FSTL4: variants seen among roughly 807,000 people sequenced by gnomAD.
The protein encoded by FSTL4 is follistatin-related protein 4.
Under a neutral mutation model 78.2 loss-of-function variants are expected in FSTL4, and 28 were observed. The observed-to-expected ratio is 0.36, with a 90% CI of 0.27 to 0.49. FSTL4 has a LOEUF of 0.49. Among genes scored for constraint, FSTL4 ranks in the 20% least tolerant of loss-of-function variants. FSTL4 has a pLI of 0.98. For missense variants in FSTL4, 922 were observed against 1,084.9 expected, an observed-to-expected ratio of 0.85 and a Z score of 2.11; for synonymous variants, 422 against 440.5, an observed-to-expected ratio of 0.96 and a Z score of 0.53.
At chr5:133,618,670 C>T in the FSTL4 span, among the ~76,000 whole-genome samples, 2 of 152,284 alleles carry the variant, frequency 1.3e-5, no homozygotes, top group East Asian at 1.9e-4. Flanking sequence ...CTGTAAGATC[C>T]TTATTGCATA....
chr5:133,219,964 A>G (rs1398507908), intron 12 of FSTL4, among the ~76,000 whole-genome samples: 1 of 152,270 alleles, frequency 6.6e-6, no homozygotes, highest in African/African-American at 2.4e-5. Flanking sequence ...CAGCCTGGAA[A>G]ACAGCTTTTC....
intron 7 of FSTL4, chr5:133,248,600 C>T (rs1055566333): frequency 8.5e-5 from 13 of 152,134 alleles, no homozygotes; most frequent in African/African-American, 2.9e-4. Flanking sequence ...GTATTGCTAA[C>T]GTTTTTCTTA....
chr5:133,430,750 C>T (rs932604005), intron 3 of FSTL4, among the ~76,000 whole-genome samples: 2 of 152,196 alleles, frequency 1.3e-5, no homozygotes, highest in Non-Finnish European at 2.9e-5. Context: ...TATTCACTGA[C>T]TGTTTTTTGA....
intron 3 of FSTL4, among the ~76,000 whole-genome samples, chr5:133,402,688 G>A (rs532608172): frequency 4.1e-4 from 62 of 152,310 alleles, no homozygotes; most frequent in African/African-American, 1.5e-3. Context: ...GTTATCGGCA[G>A]ATTAACTGCT....
the FSTL4 span, among the ~76,000 whole-genome samples, chr5:133,665,119 G>A: frequency 6.6e-6 from 1 of 152,080 alleles, no homozygotes; most frequent in Admixed American, 6.5e-5. Context: ...ATGCCTTCTT[G>A]GGCCCAAACC....
intron 3 of FSTL4, among the ~76,000 whole-genome samples, chr5:133,457,037 T>A (rs909300619): frequency 6.6e-6 from 1 of 151,724 alleles, no homozygotes; most frequent in African/African-American, 2.4e-5. Context: ...TCAGCAAGGA[T>A]GGAGCTAAAT....
chr5:133,288,189 C>T (rs556150715), intron 6 of FSTL4, among the ~76,000 whole-genome samples: 2 of 152,256 alleles, frequency 1.3e-5, no homozygotes, highest in East Asian at 3.8e-4. Context: ...TCCAGCCCCA[C>T]CTCTTACTAA....
the FSTL4 span, among the ~76,000 whole-genome samples, chr5:133,699,355 A>C: frequency 2.0e-5 from 3 of 152,130 alleles, no homozygotes; most frequent in Non-Finnish European, 4.4e-5. Context: ...CCCCTCTGCT[A>C]TAAGGACCAT....
chr5:133,342,778 C>T (rs534213330), intron 4 of FSTL4, among the ~76,000 whole-genome samples: 11 of 152,346 alleles, frequency 7.2e-5, no homozygotes, highest in Non-Finnish European at 8.8e-5. Flanking sequence ...CAGTGATTCT[C>T]AGACCCCTAA....
intron 2 of FSTL4, among the ~76,000 whole-genome samples, chr5:133,582,555 G>A (rs192345739): frequency 3.9e-5 from 6 of 152,254 alleles, no homozygotes. Flanking sequence ...GTGGGGAGGG[G>A]TCCACTAGTT....
At chr5:133,498,718 C>CA (rs112128780) in intron 3 of FSTL4, among the ~76,000 whole-genome samples, 4,308 of 126,818 alleles carry the variant, frequency 0.034, 155 homozygotes, top group African/African-American at 0.097. Context: ...ACTCAGTCTC[C>CA]AAAAAAAAAA....
the FSTL4 span, among the ~76,000 whole-genome samples, chr5:133,709,177 G>T: frequency 6.6e-6 from 1 of 152,134 alleles, no homozygotes; most frequent in Non-Finnish European, 1.5e-5. Flanking sequence ...ACCACCCCCG[G>T]GTCATATCCA....
At chr5:133,599,223 C>T (rs1015825558) in intron 2 of FSTL4, among the ~76,000 whole-genome samples, 2 of 152,192 alleles carry the variant, frequency 1.3e-5, no homozygotes, top group South Asian at 4.1e-4. Flanking sequence ...CCAGCCAAGG[C>T]GGAACGAAGC....
At chr5:133,525,290 C>T (rs1437016824) in intron 3 of FSTL4, among the ~76,000 whole-genome samples, 4 of 152,230 alleles carry the variant, frequency 2.6e-5, no homozygotes, top group Non-Finnish European at 5.9e-5. Flanking sequence ...GGTTGTTTCC[C>T]CCTGCACTGC....
At chr5:133,707,504 G>T in the FSTL4 span, among the ~76,000 whole-genome samples, 2 of 152,238 alleles carry the variant, frequency 1.3e-5, no homozygotes, top group African/African-American at 4.8e-5. Context: ...GAAGGAGGAA[G>T]GCTATAGCTG....
At chr5:133,812,709 T>C in the FSTL4 span, among the ~76,000 whole-genome samples, 1 of 152,222 alleles carries the variant, frequency 6.6e-6, no homozygotes, top group African/African-American at 2.4e-5. Flanking sequence ...CCTAAAGGCA[T>C]CTTGTTCATT....
chr5:133,523,232 CACCAATCCTCCCAGT>C (rs1438616804), intron 3 of FSTL4, among the ~76,000 whole-genome samples: 1 of 152,180 alleles, frequency 6.6e-6, no homozygotes, highest in African/African-American at 2.4e-5. Flanking sequence ...AGAGAGGCCT[CACCAATCCTCCCAGT>C]ACCTTGGCTC....
intron 4 of FSTL4, among the ~76,000 whole-genome samples, chr5:133,387,498 G>A (rs1404264684): frequency 6.6e-6 from 1 of 152,100 alleles, no homozygotes; most frequent in African/African-American, 2.4e-5. Context: ...TCCCATGGTG[G>A]CCCTTTATTG....
chr5:133,830,395 G>C, the FSTL4 span, among the ~76,000 whole-genome samples: 1 of 152,076 alleles, frequency 6.6e-6, no homozygotes, highest in Non-Finnish European at 1.5e-5. Context: ...CCAGGGACAG[G>C]GTCTGGAAGT....
Sources: gnomAD v4.1 joint callset for allele counts (sites outside exome capture counted in the v4.1 genomes callset) on GRCh38, gnomAD v4.1.1 for gene constraint, MANE v1.5 for transcripts, NCBI Gene and HGNC (gene_info 2026-07-23, HGNC 2026-07-21) for gene names.